CUX2: variants seen among roughly 807,000 people sequenced by gnomAD.
CUX2 encodes homeobox protein cut-like 2.
CUX2 carries 40 observed loss-of-function variants against 144.8 expected under a neutral mutation model. The observed-to-expected ratio is 0.28, with a 90% CI of 0.21 to 0.36. The LOEUF is 0.36. CUX2 is among the 10% of genes least tolerant of loss of function. The pLI is 1.00. For missense variants in CUX2, 1,615 were observed against 1,994.0 expected (o/e 0.81, Z 3.62); for synonymous variants, 827 against 875.6 (o/e 0.94, Z 0.98).
At position 111,334,475 on chromosome 12, in the gene CUX2, A is replaced by G; in HGVS notation, c.2961A>G (p.Pro987=). ...SPTEPRSSPS[P]PPSPTEPEKS... ...CAGAACCAAGGTCCTCACCATCCCC[A>G]CCCCCCAGCCCCACAGAGCCTGAGA... Residue 987 remains proline, a synonymous_variant, in exon 19 of 22, where the codon CCA becomes CCG. Transcript: ENST00000261726. 1 of 1,534,332 alleles carries G rather than the reference A, an allele frequency of 6.5e-7. No homozygotes were observed. The highest frequency in any genetic ancestry group is 8.8e-7 in the Non-Finnish European group (1 of 1,137,022).
At chr12:111,219,335 A>G (rs756218999) in intron 3 of CUX2, among the ~76,000 whole-genome samples, 17 of 152,044 alleles carry the variant, frequency 1.1e-4, no homozygotes, top group Non-Finnish European at 1.5e-4. Context: ...AGACAGACCA[A>G]TAATGTTAGG....
chr12:111,056,635 A>G (rs996872047), intron 1 of CUX2, among the ~76,000 whole-genome samples: 2 of 152,200 alleles, frequency 1.3e-5, no homozygotes, highest in Non-Finnish European at 2.9e-5. Context: ...TATCACTTCC[A>G]TCTACTCTGC....
chr12:111,198,873 G>C (rs971356639), intron 1 of CUX2, among the ~76,000 whole-genome samples: 2 of 152,196 alleles, frequency 1.3e-5, no homozygotes, highest in African/African-American at 4.8e-5. Flanking sequence ...GCAGAGAGGG[G>C]CCCCCCTAAG....
At chr12:111,256,719 G>C (rs1208016296) in intron 3 of CUX2, among the ~76,000 whole-genome samples, 3 of 152,170 alleles carry the variant, frequency 2.0e-5, no homozygotes, top group Non-Finnish European at 4.4e-5. Flanking sequence ...ACTAACTAGT[G>C]CTCTCATCTT....
Position 111,320,289 on chromosome 12 carries a change from G to T in CUX2, c.2280G>T (p.Pro760=), listed in dbSNP as rs746460540. The stretch of plus-strand genomic sequence containing the variant: ...GGGGCCCCGCGCAGGCGCCGCTCCC[G>T]GTCCTGTCCCCCGCCGCCTTCGTGC... ...GSGGPAQAPL[P]VLSPAAFVQS... The change falls in exon 17 of 22, where the codon CCG becomes CCT. Residue 760 remains proline (P), a synonymous_variant. Transcript: ENST00000261726. This position sits in a 1 kb window ranked among gnomAD's most constrained non-coding sequence, Gnocchi z 8.1. 5 of 1,596,682 alleles carry T rather than the reference G, an allele frequency of 3.1e-6. No individual in the cohort carries two copies. In the African/African-American group the frequency reaches 4.0e-5, roughly 13 times the overall value.
In CUX2 at chr12:111,061,178, G is replaced by GCACACACA. The variant is rs10525230; in HGVS notation, c.63+26969_63+26976dup. 0.03 allele frequency among the ~76,000 whole-genome samples: 4,273 copies of GCACACACA among 143,668 alleles called. 76 individuals carry two copies. Among genetic ancestry groups the GCACACACA allele is most frequent in the African/African-American group, 0.048 (1,899 of 39,310 alleles). 94.3% of individuals were successfully genotyped at this position (143,668 alleles called of 152,430 possible). A position where few individuals can be genotyped will look rare whatever the true frequency, so the allele number is the denominator to read the frequency against. On this transcript the variant is annotated intron_variant, in intron 1 of 21. Coordinates refer to ENST00000261726, the MANE Select transcript of CUX2 (RefSeq NM_015267.4). This position sits in a 1 kb window ranked among gnomAD's most constrained non-coding sequence, Gnocchi z 4.2. Reference sequence around the variant, plus strand: ...TGTCCCCAGATGTGTGCATGCATATGCACACACACACACACACACACACAC... The same window carrying GCACACACA: ...TGTCCCCAGATGTGTGCATGCATATGCACACACACACACACACACACACACACACACAC...
At chr12:111,233,395 A>G (rs1306155850) in intron 3 of CUX2, among the ~76,000 whole-genome samples, 2 of 152,194 alleles carry the variant, frequency 1.3e-5, no homozygotes, top group African/African-American at 4.8e-5. Context: ...CCTGAGGTTT[A>G]TAAACTCCTG....
intron 21 of CUX2, among the ~76,000 whole-genome samples, chr12:111,343,529 T>G (rs1483206693): frequency 1.3e-5 from 2 of 151,994 alleles, no homozygotes; most frequent in African/African-American, 4.8e-5. Flanking sequence ...TGTCTCTTGA[T>G]CCCCAAGGAA....
intron 1 of CUX2, among the ~76,000 whole-genome samples, chr12:111,147,156 A>G (rs1876733482): frequency 6.6e-6 from 1 of 152,236 alleles, no homozygotes; most frequent in Non-Finnish European, 1.5e-5. Flanking sequence ...GAATGAGTGA[A>G]TGAATGCATG....
intron 1 of CUX2, among the ~76,000 whole-genome samples, chr12:111,137,364 T>TTGTTGTTG (rs146487590): frequency 2.4e-4 from 36 of 148,558 alleles, no homozygotes; most frequent in Middle Eastern, 3.4e-3. Flanking sequence ...GTTGTTGTTG[T>TTGTTGTTG]TTGTTGATGT....
intron 4 of CUX2, among the ~76,000 whole-genome samples, chr12:111,280,545 G>A (rs1276600984): frequency 6.6e-6 from 1 of 152,160 alleles, no homozygotes; most frequent in African/African-American, 2.4e-5. Context: ...CAAACTGGGT[G>A]GTTTAAAGCA....
At chr12:111,337,616 G>A (rs1371204484) in intron 19 of CUX2, among the ~76,000 whole-genome samples, 1 of 152,244 alleles carries the variant, frequency 6.6e-6, no homozygotes, top group Admixed American at 6.5e-5. Context: ...CTCCGAAGCT[G>A]TGCACATTTA....
intron 1 of CUX2, among the ~76,000 whole-genome samples, chr12:111,138,460 A>T (rs1248083666): frequency 6.6e-6 from 1 of 152,060 alleles, no homozygotes; most frequent in Non-Finnish European, 1.5e-5. Flanking sequence ...TCGCAGCTCC[A>T]TGGTAAGTGG....
chr12:111,264,004 C>A (rs1884260912), intron 4 of CUX2, among the ~76,000 whole-genome samples, 165 bp downstream of exon 4: 1 of 152,158 alleles, frequency 6.6e-6, no homozygotes, highest in African/African-American at 2.4e-5. Flanking sequence ...TCTGGTGTGA[C>A]ATGTCCCCCC....
chr12:111,196,897 G>A (rs940899859), intron 1 of CUX2, among the ~76,000 whole-genome samples: 1 of 152,180 alleles, frequency 6.6e-6, no homozygotes, highest in Non-Finnish European at 1.5e-5. Flanking sequence ...TCAGAGGATT[G>A]AGCAGAGTTC....
intron 1 of CUX2, among the ~76,000 whole-genome samples, chr12:111,036,146 A>T (rs1362296867): frequency 6.6e-6 from 1 of 152,244 alleles, no homozygotes; most frequent in Non-Finnish European, 1.5e-5. Context: ...GAGAGGAACC[A>T]GAAGGGCTGG....
chr12:111,226,981 C>T (rs763122044), intron 3 of CUX2, among the ~76,000 whole-genome samples: 1 of 152,222 alleles, frequency 6.6e-6, no homozygotes, highest in South Asian at 2.1e-4. Flanking sequence ...ATGGCTCAGT[C>T]GGCCCAGTGT....
chr12:111,260,235 C>T (rs532875705), intron 3 of CUX2, among the ~76,000 whole-genome samples: 3 of 151,832 alleles, frequency 2.0e-5, no homozygotes, highest in East Asian at 3.9e-4. Context: ...GAGGCCGAGG[C>T]GGGCAGATCA....
chr12:111,222,831 G>C (rs1057071025), intron 3 of CUX2, among the ~76,000 whole-genome samples: 1 of 152,252 alleles, frequency 6.6e-6, no homozygotes, highest in Non-Finnish European at 1.5e-5. Context: ...GGGGGAATTC[G>C]TGTGGCATGA....
Sources: gnomAD v4.1 joint callset for allele counts (sites outside exome capture counted in the v4.1 genomes callset) on GRCh38, gnomAD v4.1.1 for gene constraint, Gnocchi (gnomAD v3.1) non-coding constraint, MANE v1.5 for transcripts, NCBI Gene and HGNC (gene_info 2026-07-23, HGNC 2026-07-21) for gene names.